The following PHF3 variants were observed in gnomAD, a reference collection of about 807,000 sequenced individuals.
The protein encoded by PHF3 is PHD finger protein 3.
A neutral mutation model predicts 178.4 loss-of-function variants in PHF3; 41 were observed. The ratio of observed to expected loss-of-function variants is 0.23; its 90% CI spans 0.18 to 0.30. The LOEUF (loss-of-function observed/expected upper bound fraction) is 0.30, where lower values mean the gene tolerates loss of function less well. Ranked by LOEUF, PHF3 falls within the 10% of genes least tolerant of loss-of-function variation. The pLI, the probability that PHF3 is intolerant of heterozygous loss-of-function variation, is 1.00. For missense variants in PHF3, 2,346 were observed against 2,398.1 expected, an observed-to-expected ratio of 0.98 and a Z score of 0.45; for synonymous variants, 842 against 800.5, an observed-to-expected ratio of 1.05 and a Z score of -0.88.
intron 1 of PHF3, among the ~76,000 whole-genome samples, chr6:63,643,535 A>T (rs1170374607): frequency 1.3e-5 from 2 of 152,208 alleles, no homozygotes; most frequent in Non-Finnish European, 2.9e-5. Flanking sequence ...CACAAATGTG[A>T]TACGCTTTAT....
chr6:63,700,865 A>C (rs1275105774), intron 9 of PHF3, among the ~76,000 whole-genome samples: 1 of 152,132 alleles, frequency 6.6e-6, no homozygotes, highest in African/African-American at 2.4e-5. Context: ...TACAGGCATG[A>C]GCCACCTACA....
intron 6 of PHF3, among the ~76,000 whole-genome samples, chr6:63,696,383 A>G (rs1767229262): frequency 6.6e-6 from 1 of 152,152 alleles, no homozygotes; most frequent in Admixed American, 6.5e-5. Flanking sequence ...GCAGTAGTGC[A>G]ATAGCAGCTC....
chr6:63,703,236 T>G (rs1379513975), intron 10 of PHF3, among the ~76,000 whole-genome samples: 1 of 152,214 alleles, frequency 6.6e-6, no homozygotes, highest in African/African-American at 2.4e-5. Context: ...AGGCAGAGTG[T>G]CATTTGATAG....
At chr6:63,637,127 A>T (rs377033059) in intron 1 of PHF3, among the ~76,000 whole-genome samples, 60 of 152,212 alleles carry the variant, frequency 3.9e-4, no homozygotes, top group African/African-American at 1.4e-3. Flanking sequence ...ACATGTAGCG[A>T]TATTTAATTT....
rs148413404 is a variant in PHF3, at chr6:63,654,110, G to C, written c.244+7315G>C. Among the ~76,000 whole-genome samples, 359 of 152,204 alleles carry C rather than the reference G, an allele frequency of 2.4e-3. 2 individuals are homozygous for C. The highest frequency in any genetic ancestry group is 8.2e-3 in the African/African-American group (342 of 41,530). ...TTTGTTGTGTTTTTGTCTGGTTTTG[G>C]TATCAGGGTACTGTTAGCCACACAG... On this transcript the variant is annotated intron_variant, in intron 2 of 15. Coordinates refer to ENST00000262043, the MANE Select transcript of PHF3 (RefSeq NM_001370348.2).
Position 63,720,808 on chromosome 6 carries a change from T to C in PHF3, c.*7100T>C, listed in dbSNP as rs1336691245. ...CCATCATAGTTTAGAGCCACAAAGT[T>C]TTTATGTGGATCAATATCCTCGGAA... On this transcript the variant is annotated 3_prime_UTR_variant, in exon 16 of 16. Transcript: ENST00000262043. 6.4e-7 allele frequency: 1 copy of C among 1,551,054 alleles called. No homozygotes were observed.
At chr6:63,648,402 G>T (rs1764878116) in intron 2 of PHF3, among the ~76,000 whole-genome samples, 1 of 152,084 alleles carries the variant, frequency 6.6e-6, no homozygotes, top group Non-Finnish European at 1.5e-5. Flanking sequence ...TATTAACATG[G>T]TTGTTGCTGG....
At position 63,698,317 on chromosome 6, in the gene PHF3, T is replaced by C. The variant is rs780502775; in HGVS notation, c.2775T>C (p.Asp925=). ...CTTCTGCTTCCAAGCCTTCTGCAGA[T>C]CAGATCAGGCAAAGTGTCAGACATT... ...PAASASKPSA[D]QIRQSVRHSL... is the part of the protein sequence containing the mutation. Residue 925 remains aspartate, a synonymous_variant, in exon 7 of 16, where the codon GAT becomes GAC. Transcript: ENST00000262043. 6.2e-7 allele frequency: 1 copy of C among 1,612,970 alleles called. No homozygotes were observed. Among genetic ancestry groups the C allele is most frequent in the African/African-American group, 1.3e-5 (1 of 75,048 alleles).
chr6:63,643,085 G>A (rs1392594041), intron 1 of PHF3, among the ~76,000 whole-genome samples: 7 of 151,856 alleles, frequency 4.6e-5, no homozygotes, highest in African/African-American at 1.7e-4. Context: ...AATGATAATG[G>A]TAAATTACAG....
At chr6:63,672,417 A>G (rs1028286534) in intron 2 of PHF3, among the ~76,000 whole-genome samples, 4 of 152,202 alleles carry the variant, frequency 2.6e-5, no homozygotes, top group Admixed American at 1.3e-4. Flanking sequence ...TTTTATACAC[A>G]TAGGGCAGAC....
intron 2 of PHF3, among the ~76,000 whole-genome samples, chr6:63,668,976 GGA>G (rs1365629802): frequency 6.6e-6 from 1 of 152,132 alleles, no homozygotes; most frequent in Non-Finnish European, 1.5e-5. Context: ...ATATGTAAAA[GGA>G]GGTCAGCTTG....
At chr6:63,663,541 C>T (rs183604759) in intron 2 of PHF3, among the ~76,000 whole-genome samples, 70 of 152,298 alleles carry the variant, frequency 4.6e-4, no homozygotes, top group African/African-American at 1.5e-3. Context: ...GAAACACTTT[C>T]TGTACTCCAG....
Position 63,691,750 on chromosome 6 carries a change from T to G in PHF3, c.2203T>G (p.Cys735Gly). The G allele has an allele frequency of 6.2e-7, 1 of 1,605,654 alleles. No homozygotes were observed. The highest frequency in any genetic ancestry group is 1.1e-5 in the South Asian group (1 of 90,198). The change falls in exon 5 of 16, where the codon TGT (cysteine) becomes GGT (glycine). Residue 735 changes from cysteine to glycine, a missense_variant. By Grantham distance (159) the Cys-to-Gly change is radical. Coordinates refer to ENST00000262043, the MANE Select transcript of PHF3 (RefSeq NM_001370348.2). ...TCTGTTTTCCAGGTTTATGGTTGGC[T>G]GTGGGAGATGTGATGACTGGTTTCA... ...KPHGNRFMVG[C>G]GRCDDWFHGD... is the part of the protein sequence containing the mutation.
At position 63,711,158 on chromosome 6, in the gene PHF3, C is replaced by T; in HGVS notation, c.3802-9C>T. 6.4e-7 allele frequency: 1 copy of T among 1,569,066 alleles called. No homozygotes were observed. The highest frequency in any genetic ancestry group is 8.6e-7 in the Non-Finnish European group (1 of 1,157,410). On this transcript the variant is annotated splice_polypyrimidine_tract_variant and intron_variant, in intron 14 of 15. Transcript: ENST00000262043. ...ACCTTAAACAATTATTTGTTATTTT[C>T]TTGAACAGGAAATTTGTGTGGTTCG...
chr6:63,663,326 G>T (rs951372242), intron 2 of PHF3, among the ~76,000 whole-genome samples: 4 of 151,972 alleles, frequency 2.6e-5, no homozygotes, highest in Non-Finnish European at 4.4e-5. Context: ...TCCTTGGTTC[G>T]CCTTCACTAT....
rs576288145 is a variant in PHF3 at position 63,721,186 on chromosome 6, C to T, written c.*7478C>T. 4.3e-5 allele frequency: 66 copies of T among 1,551,528 alleles called. No individual in the cohort carries two copies. In the South Asian group the frequency reaches 6.9e-4, roughly 16 times the overall value. Reference sequence around the variant, plus strand: ...GCAGTTGAAAATGAAGTTTTGTTTTCACAATACCTTCCCACCCAACCCAAA... The same window carrying T: ...GCAGTTGAAAATGAAGTTTTGTTTTTACAATACCTTCCCACCCAACCCAAA... On this transcript the variant is annotated 3_prime_UTR_variant, in exon 16 of 16. Coordinates refer to ENST00000262043, the MANE Select transcript of PHF3 (RefSeq NM_001370348.2).
At position 63,691,812 on chromosome 6, in the gene PHF3, G is replaced by A; in HGVS notation, c.2265G>A (p.Gln755=). 1.2e-6 allele frequency: 2 copies of A among 1,613,772 alleles called. No individual in the cohort carries two copies. The highest frequency in any genetic ancestry group is 2.2e-5 in the South Asian group (2 of 91,076). ...DCVGLSLSQA[Q]QMGEEDKEYV... is the part of the protein sequence containing the mutation. ...TTGGGTTAAGTCTTTCTCAAGCACA[G>A]CAGATGGGCGAGGAAGACAAAGAAT... Residue 755 remains glutamine (Q), a synonymous_variant, in exon 5 of 16, where the codon CAG becomes CAA. Transcript: ENST00000262043.
chr6:63,682,052 T>C (rs1766461930), intron 3 of PHF3, among the ~76,000 whole-genome samples: 1 of 152,160 alleles, frequency 6.6e-6, no homozygotes. Context: ...ACAAATTCAC[T>C]TAATCTTACA....
Position 63,692,014 on chromosome 6 carries a change from G to A in PHF3, c.2467G>A (p.Val823Met), listed in dbSNP as rs1467131418. The change falls in exon 5 of 16, where the codon GTG becomes ATG. Residue 823 changes from valine (V) to methionine (M), a missense_variant. By Grantham distance (21) the Val-to-Met change is conservative. Transcript: ENST00000262043. ...NDRTKYIDDT[V>M]KHKVKILKRE... is the part of the protein sequence containing the mutation. ...TAGAACCAAATATATAGATGATACA[G>A]TGAAGCACAAGGTCAAAATTTTAAA... 1 of 1,609,380 alleles carries A rather than the reference G, an allele frequency of 6.2e-7. No individual in the cohort carries two copies. Among genetic ancestry groups the A allele is most frequent in the African/African-American group, 1.3e-5 (1 of 74,640 alleles).
Sources: allele counts gnomAD v4.1 joint callset (sites outside exome capture counted in the v4.1 genomes callset), GRCh38; gene constraint gnomAD v4.1.1; transcripts MANE v1.5; gene names NCBI Gene and HGNC (gene_info 2026-07-23, HGNC 2026-07-21).